The following ZNF106 variants were observed in gnomAD, a reference collection of about 807,000 sequenced individuals.
The protein encoded by ZNF106 is zinc finger protein 106, also known as SH3-domain binding protein 3.
ZNF106 carries 67 observed loss-of-function variants against 195.1 expected under a neutral mutation model. That is an observed-to-expected ratio of 0.34 (90% CI 0.28 to 0.42). The LOEUF (loss-of-function observed/expected upper bound fraction) is 0.42. Ranked by LOEUF, ZNF106 falls within the 10% of genes least tolerant of loss-of-function variation. The pLI, the probability that ZNF106 is intolerant of heterozygous loss-of-function variation, is 1.00. For missense variants in ZNF106, 2,118 were observed against 2,304.5 expected, an observed-to-expected ratio of 0.92 and a Z score of 1.66; for synonymous variants, 784 against 818.6, an observed-to-expected ratio of 0.96 and a Z score of 0.72.
chr15:42,459,038 T>C (rs2056319876), intron 3 of ZNF106, among the ~76,000 whole-genome samples: 1 of 152,158 alleles, frequency 6.6e-6, no homozygotes, highest in Non-Finnish European at 1.5e-5. Flanking sequence ...ATTTTTAAGA[T>C]TCATTTTAAT....
intron 1 of ZNF106, chr15:42,490,423 A>C (rs2057126581): frequency 6.6e-6 from 1 of 152,180 alleles, no homozygotes; most frequent in Middle Eastern, 3.2e-3. Context: ...TTACACAACA[A>C]ATTGAAAGGG....
chr15:42,421,688 C>T (rs1443253199), intron 19 of ZNF106, among the ~76,000 whole-genome samples: 1 of 152,092 alleles, frequency 6.6e-6, no homozygotes, highest in East Asian at 1.9e-4. Flanking sequence ...TTAAATTTAC[C>T]TTCTATTAAA....
At chr15:42,478,273 C>T (rs1247198026) in intron 1 of ZNF106, among the ~76,000 whole-genome samples, 1 of 152,120 alleles carries the variant, frequency 6.6e-6, no homozygotes. Flanking sequence ...AAGGAATTCT[C>T]CTGCCACAGC....
chr15:42,466,571 C>T (rs906026360), intron 2 of ZNF106, among the ~76,000 whole-genome samples: 1 of 152,138 alleles, frequency 6.6e-6, no homozygotes, highest in Non-Finnish European at 1.5e-5. Context: ...AGCATATAGT[C>T]ATCAATAAGC....
intron 14 of ZNF106, among the ~76,000 whole-genome samples, chr15:42,429,500 T>C (rs1434228994): frequency 1.3e-5 from 2 of 151,652 alleles, no homozygotes; most frequent in African/African-American, 4.9e-5. Context: ...GCTTTTTAAG[T>C]GGGCTTGGCT....
chr15:42,447,953 T>C (rs2055831481), intron 6 of ZNF106, 119 bp downstream of exon 6: 2 of 1,197,424 alleles, frequency 1.7e-6, no homozygotes, highest in Non-Finnish European at 2.3e-6. Context: ...TCACAATTCT[T>C]CTAGAAGTTG....
At chr15:42,449,195 T>C (rs1167042220) in intron 5 of ZNF106, among the ~76,000 whole-genome samples, 2 of 152,158 alleles carry the variant, frequency 1.3e-5, no homozygotes, top group Non-Finnish European at 2.9e-5. Flanking sequence ...GTTATGACTT[T>C]CAAGTAGCAA....
chr15:42,442,423 G>C lies in ZNF106; in HGVS notation c.3422-9C>G, dbSNP rs1351669623. ...AGAAGGTTCATATGTTTCTAGAATG[G>C]GAAACATACATACATAGAAATGCAA... On this transcript the variant is annotated splice_polypyrimidine_tract_variant and intron_variant, in intron 9 of 21. Transcript: ENST00000564754. 1 of 1,594,400 alleles carries C rather than the reference G, an allele frequency of 6.3e-7. No homozygotes were observed. The highest frequency in any genetic ancestry group is 8.6e-7 in the Non-Finnish European group (1 of 1,167,108).
chr15:42,454,080 T>G (rs2056144705), intron 4 of ZNF106, among the ~76,000 whole-genome samples: 1 of 152,202 alleles, frequency 6.6e-6, no homozygotes, highest in Non-Finnish European at 1.5e-5. Flanking sequence ...TTTAAGTTCC[T>G]TCCTCTGACC....
rs1417820195 is a variant in ZNF106 at position 42,450,788 on chromosome 15, A to G, written c.1484T>C (p.Ile495Thr). 1 of 1,613,910 alleles carries G rather than the reference A, an allele frequency of 6.2e-7. No homozygotes were observed. The highest frequency in any genetic ancestry group is 1.3e-5 in the African/African-American group (1 of 74,852). Residue 495 changes from isoleucine (I) to threonine (T), a missense_variant, in exon 5 of 22, where the codon ATC (isoleucine) becomes ACC (threonine). Coordinates refer to ENST00000564754, the MANE Select transcript of ZNF106 (RefSeq NM_001366845.3). ...SLSQKQDPKN[I>T]SKNTKTNFFS... Reference sequence around the variant, plus strand: ...AAAATTTGTTTTGGTGTTTTTTGAGATATTCTTTGGATCTTGCTTTTGAGA... The same window carrying G: ...AAAATTTGTTTTGGTGTTTTTTGAGGTATTCTTTGGATCTTGCTTTTGAGA...
At chr15:42,477,515 G>A (rs1175295735) in intron 1 of ZNF106, among the ~76,000 whole-genome samples, 1 of 152,196 alleles carries the variant, frequency 6.6e-6, no homozygotes, top group Non-Finnish European at 1.5e-5. Context: ...CCAGCACTTT[G>A]GGAGGATGGC....
rs772523206 is a variant in ZNF106, at chr15:42,439,704, C to T, written c.3873G>A (p.Val1291=). The change falls in exon 11 of 22, where the codon GTG becomes GTA. Residue 1291 remains valine, a synonymous_variant. Coordinates refer to ENST00000564754, the MANE Select transcript of ZNF106 (RefSeq NM_001366845.3). ...HEPSQELKFS[V]EQRNTRNREN... The stretch of plus-strand genomic sequence containing the variant: ...CTCTGTTTCTGGTATTTCTTTGCTC[C>T]ACAGAAAACTTCAGTTCTTGGCTAG... 8.7e-6 allele frequency: 14 copies of T among 1,613,998 alleles called. No individual in the cohort carries two copies. Among genetic ancestry groups the T allele is most frequent in the East Asian group, 2.2e-5 (1 of 44,868 alleles).
intron 2 of ZNF106, among the ~76,000 whole-genome samples, chr15:42,468,614 G>A (rs973797220): frequency 5.3e-5 from 8 of 151,394 alleles, no homozygotes; most frequent in South Asian, 4.2e-4. Context: ...ATGGCAGCGC[G>A]TGCCTGTAAT....
chr15:42,457,569 G>T (rs1469176314), intron 3 of ZNF106: 1 of 1,009,584 alleles, frequency 9.9e-7, no homozygotes, highest in African/African-American at 1.7e-5. Flanking sequence ...TTAATCTTTA[G>T]TCTAGAGCTT....
At position 42,450,448 on chromosome 15, in the gene ZNF106, T is replaced by C. The variant is rs971359811; in HGVS notation, c.1824A>G (p.Ala608=). The C allele has an allele frequency of 8.1e-6, 13 of 1,614,086 alleles. No homozygotes were observed. Among genetic ancestry groups the C allele is most frequent in the Middle Eastern group, 1.6e-4 (1 of 6,084 alleles). ...TCTCTCCATCACTTTCATCTTCTAGTGCGTGCACTTGAAACTCAATTTTCA... is the reference window on the plus strand; with the variant it reads ...TCTCTCCATCACTTTCATCTTCTAGCGCGTGCACTTGAAACTCAATTTTCA... ...GSLKIEFQVH[A]LEDESDGETS... is the part of the protein sequence containing the mutation. The change falls in exon 5 of 22, where the codon GCA becomes GCG. Residue 608 remains alanine (A), a synonymous_variant. Transcript: ENST00000564754.
Position 42,442,102 on chromosome 15 carries a change from T to C in ZNF106, c.3734A>G (p.Asn1245Ser), listed in dbSNP as rs748119750. 6.2e-6 allele frequency: 10 copies of C among 1,613,532 alleles called. No homozygotes were observed. The highest frequency in any genetic ancestry group is 1.7e-4 in the Middle Eastern group (1 of 6,054). Residue 1245 changes from asparagine to serine, a missense_variant, in exon 10 of 22, where the codon AAT (asparagine) becomes AGT (serine). Transcript: ENST00000564754. ...VNAVPPSSAC[N>S]VSKELLEANR... The stretch of plus-strand genomic sequence containing the variant: ...AGCTTCCAGTAATTCCTTGGACACA[T>C]TGCAGGCAGAGCTTGGTGGCACAGC...
At chr15:42,478,717 G>A (rs145844382) in intron 1 of ZNF106, among the ~76,000 whole-genome samples, 4,265 of 151,756 alleles carry the variant, frequency 0.028, 184 homozygotes, top group African/African-American at 0.095. Flanking sequence ...TCACCATGTT[G>A]GCCAGGCTGG....
At chr15:42,484,797 C>T (rs2056973369) in intron 1 of ZNF106, among the ~76,000 whole-genome samples, 1 of 152,000 alleles carries the variant, frequency 6.6e-6, no homozygotes, top group African/African-American at 2.4e-5. Flanking sequence ...GTGACCAACT[C>T]AATAATCTTT....
intron 3 of ZNF106, among the ~76,000 whole-genome samples, chr15:42,464,239 G>C (rs1267260416): frequency 3.4e-5 from 5 of 147,460 alleles, no homozygotes; most frequent in African/African-American, 1.2e-4. Flanking sequence ...ACTCAGGAGG[G>C]TGAAGCAGGA....
Sources: allele counts gnomAD v4.1 joint callset (sites outside exome capture counted in the v4.1 genomes callset), GRCh38; gene constraint gnomAD v4.1.1; transcripts MANE v1.5; gene names NCBI Gene and HGNC (gene_info 2026-07-23, HGNC 2026-07-21).